NRXN3: variants seen among roughly 807,000 people sequenced by gnomAD.
NRXN3 encodes the protein neurexin III.
A neutral mutation model predicts 137.6 loss-of-function variants in NRXN3; 32 were observed. The observed-to-expected ratio is 0.23, with a 90% confidence interval of 0.18 to 0.31. The LOEUF (loss-of-function observed/expected upper bound fraction) is 0.31. Among genes scored for constraint, NRXN3 ranks in the 10% least tolerant of loss-of-function variants. The pLI, the probability that NRXN3 is intolerant of heterozygous loss-of-function variation, is 1.00. For synonymous variants in NRXN3, 798 were observed against 784.5 expected, an observed-to-expected ratio of 1.02 and a Z score of -0.29; for missense variants, 1,574 against 2,062.5, an observed-to-expected ratio of 0.76 and a Z score of 4.59.
rs576269834 is a variant in NRXN3 at position 78,257,355 on chromosome 14, A to G, written c.709+13553A>G. ...ATGTACCAGTGTGATCCCTGCCCTT[A>G]AGGGGCTTATGGTCTAGTTGGGAAG... On this transcript the variant is annotated intron_variant, in intron 2 of 20. Coordinates refer to ENST00000335750, the MANE Select transcript of NRXN3 (RefSeq NM_001330195.2). 3.9e-5 allele frequency among the ~76,000 whole-genome samples: 6 copies of G among 152,356 alleles called. No homozygotes were observed. In the South Asian group the frequency reaches 1.2e-3, roughly 32 times the overall value.
intron 4 of NRXN3, among the ~76,000 whole-genome samples, chr14:78,408,974 T>C (rs1159091140): frequency 1.3e-5 from 2 of 152,262 alleles, no homozygotes; most frequent in Admixed American, 6.5e-5. Flanking sequence ...TCTCCCATAA[T>C]GTCCTACTTC....
intron 4 of NRXN3, among the ~76,000 whole-genome samples, chr14:78,408,435 C>T (rs2092630067): frequency 6.6e-6 from 1 of 152,210 alleles, no homozygotes. Context: ...AGGGAGTCCA[C>T]ATATAAGAGA....
In NRXN3 at chr14:78,427,103, A is replaced by G. The variant is rs556880265; in HGVS notation, c.757+129243A>G. On this transcript the variant is annotated intron_variant, in intron 4 of 20. Transcript: ENST00000335750. ...AAGGGTCAAGGGGAAGGTAAGGGCA[A>G]GTCTAGGAGTTCCTTAGGAGGCAGC... Among the ~76,000 whole-genome samples the G allele has an allele frequency of 3.9e-4, 59 of 152,242 alleles. 1 individual carries two copies. The highest frequency in any genetic ancestry group is 7.6e-4 in the Non-Finnish European group (52 of 68,018).
At chr14:78,333,721 G>A (rs953190937) in intron 4 of NRXN3, among the ~76,000 whole-genome samples, 3 of 152,140 alleles carry the variant, frequency 2.0e-5, no homozygotes, top group East Asian at 1.9e-4. Flanking sequence ...AGTGGTTGAG[G>A]TGTGTGTGGG....
intron 2 of NRXN3, among the ~76,000 whole-genome samples, chr14:78,267,137 G>A (rs2071889088): frequency 6.6e-6 from 1 of 152,188 alleles, no homozygotes; most frequent in South Asian, 2.1e-4. Context: ...TCAAAGAACA[G>A]GGAATTAGTA....
chr14:78,918,730 T>C (rs1288581511), intron 10 of NRXN3, among the ~76,000 whole-genome samples: 2 of 152,236 alleles, frequency 1.3e-5, no homozygotes, highest in African/African-American at 4.8e-5. Flanking sequence ...ATTTTTACTG[T>C]ATATTTTTTA....
At chr14:78,226,353 G>A (rs1388977949) in intron 1 of NRXN3, among the ~76,000 whole-genome samples, 2 of 152,080 alleles carry the variant, frequency 1.3e-5, no homozygotes, top group Non-Finnish European at 2.9e-5. Flanking sequence ...ATAAGGGCGC[G>A]TTGTGTTGAA....
chr14:79,530,635 T>G (rs2153718550), intron 16 of NRXN3, among the ~76,000 whole-genome samples: 1 of 152,042 alleles, frequency 6.6e-6, no homozygotes, highest in African/African-American at 2.4e-5. Flanking sequence ...TCTTATTTAT[T>G]TTTTAAGTAG....
intron 20 of NRXN3, among the ~76,000 whole-genome samples, chr14:79,807,459 G>C (rs1452290278): frequency 6.6e-6 from 1 of 152,090 alleles, no homozygotes; most frequent in Non-Finnish European, 1.5e-5. Context: ...TAGCTCTGTA[G>C]CTCCCCAGTT....
intron 1 of NRXN3, among the ~76,000 whole-genome samples, chr14:78,234,570 C>A (rs1324600026): frequency 6.6e-6 from 1 of 152,172 alleles, no homozygotes; most frequent in Non-Finnish European, 1.5e-5. Flanking sequence ...ATCCCGCCTG[C>A]ATGAGAGGGG....
rs368444697 is a variant in NRXN3 at position 78,243,240 on chromosome 14, T to G, written c.147T>G (p.Ser49Arg). Reference protein sequence around the residue: ...RYLRWDASTRSDLSFQFKTNV... With the variant: ...RYLRWDASTRRDLSFQFKTNV... ...TCCGCTGGGATGCCAGCACACGCAG[T>G]GACCTGAGTTTCCAGTTCAAGACCA... Residue 49 changes from serine (S) to arginine (R), a missense_variant, in exon 2 of 21, where the codon AGT becomes AGG. By Grantham distance (110) the Ser-to-Arg change is moderately radical. Transcript: ENST00000335750. This position sits in a 1 kb window ranked among gnomAD's most constrained non-coding sequence, Gnocchi z 4.2. The G allele has an allele frequency of 6.4e-7, 1 of 1,554,700 alleles. No individual in the cohort carries two copies.
chr14:78,529,268 G>GA, intron 4 of NRXN3, among the ~76,000 whole-genome samples: 1 of 152,288 alleles, frequency 6.6e-6, no homozygotes, highest in South Asian at 2.1e-4. Flanking sequence ...TCGGTTCAAA[G>GA]AAGAATTACT....
At chr14:79,381,749 A>T (rs1599473150) in intron 15 of NRXN3, among the ~76,000 whole-genome samples, 1 of 152,172 alleles carries the variant, frequency 6.6e-6, no homozygotes, top group Non-Finnish European at 1.5e-5. Flanking sequence ...AGTGTTCCAT[A>T]ACATTGATCA....
chr14:79,063,249 A>G (rs2099676450), intron 15 of NRXN3, among the ~76,000 whole-genome samples: 1 of 152,138 alleles, frequency 6.6e-6, no homozygotes, highest in Admixed American at 6.6e-5. Context: ...AGGTTAGGCA[A>G]GCAAGGAATT....
intron 15 of NRXN3, among the ~76,000 whole-genome samples, chr14:79,378,726 A>G (rs1385434837): frequency 1.3e-5 from 2 of 152,176 alleles, no homozygotes; most frequent in Non-Finnish European, 2.9e-5. Flanking sequence ...GACCTTAATA[A>G]GCATTTAATC....
Position 79,450,966 on chromosome 14 carries a change from A to G in NRXN3, c.3263-16255A>G, listed in dbSNP as rs534297257. Among the ~76,000 whole-genome samples, 24 of 152,282 alleles carry G rather than the reference A, an allele frequency of 1.6e-4. No individual in the cohort carries two copies. The South Asian group carries it at 4.8e-3, about 30-fold the overall frequency. On this transcript the variant is annotated intron_variant, in intron 15 of 20. Transcript: ENST00000335750. ...GAGGCAACAGAAAGTATTTAGAGAGAACAGCAGACTGTAATTAGGAGAGAG... is the reference window on the plus strand; with the variant it reads ...GAGGCAACAGAAAGTATTTAGAGAGGACAGCAGACTGTAATTAGGAGAGAG...
chr14:78,635,582 AC>A (rs2097560427), intron 4 of NRXN3, among the ~76,000 whole-genome samples: 1 of 152,090 alleles, frequency 6.6e-6, no homozygotes, highest in Non-Finnish European at 1.5e-5. Flanking sequence ...AGGGACACAG[AC>A]CTCTCCTCTC....
intron 19 of NRXN3, among the ~76,000 whole-genome samples, chr14:79,715,671 A>G (rs118093967): frequency 0.015 from 2,320 of 152,366 alleles, 40 homozygotes; most frequent in South Asian, 0.07. Flanking sequence ...GGAAGAAGGC[A>G]TGAACAAACC....
At chr14:79,570,203 G>A (rs1247773633) in intron 16 of NRXN3, among the ~76,000 whole-genome samples, 26 of 152,076 alleles carry the variant, frequency 1.7e-4, no homozygotes, top group Admixed American at 1.2e-3. Context: ...TAGCCTCTTT[G>A]TTGATGTCTG....
Sources: allele counts gnomAD v4.1 joint callset (sites outside exome capture counted in the v4.1 genomes callset), GRCh38; gene constraint gnomAD v4.1.1; non-coding constraint Gnocchi (gnomAD v3.1); transcripts MANE v1.5; gene names NCBI Gene and HGNC (gene_info 2026-07-23, HGNC 2026-07-21).